Variants in TAF4B observed in about 807,000 individuals in gnomAD.
TAF4B encodes the protein TATA-box binding protein associated factor 4b, also known as transcription initiation factor TFIID subunit 4B.
A neutral mutation model predicts 86.4 loss-of-function variants in TAF4B; 38 were observed. The ratio of observed to expected loss-of-function variants is 0.44; its 90% confidence interval spans 0.34 to 0.58. The LOEUF is 0.58. TAF4B is among the 20% of genes least tolerant of loss of function. TAF4B has a pLI of 0.02. For synonymous variants in TAF4B, 388 were observed against 391.2 expected (o/e 0.99, Z 0.10); for missense variants, 988 against 1,027.6 (o/e 0.96, Z 0.53).
chr18:26,353,142 T>C (rs780292397), intron 13 of TAF4B, among the ~76,000 whole-genome samples: 1 of 152,126 alleles, frequency 6.6e-6, no homozygotes, highest in Non-Finnish European at 1.5e-5. Context: ...CAGGCTAATA[T>C]CTCTTATGAA....
chr18:26,226,999 C>T lies in TAF4B; in HGVS notation c.66C>T (p.Thr22=), dbSNP rs2055585764. 2.8e-6 allele frequency: 4 copies of T among 1,439,736 alleles called. No homozygotes were observed. The highest frequency in any genetic ancestry group is 3.6e-6 in the Non-Finnish European group (4 of 1,110,432). 89.2% of individuals were successfully genotyped at this position (1,439,736 alleles called of 1,614,324 possible). ...CGGCTGCTGTGAGCGCCTCGGGGAC[C>T]GTGACCATGGCCCCGGCCGGGGCGC... ...APPAAVSASG[T]VTMAPAGALP... The change falls in exon 1 of 15, where the codon ACC becomes ACT. Residue 22 remains threonine (T), a synonymous_variant. Transcript: ENST00000269142.
intron 14 of TAF4B, among the ~76,000 whole-genome samples, chr18:26,366,581 C>T (rs1308604880): frequency 6.6e-6 from 1 of 152,102 alleles, no homozygotes; most frequent in African/African-American, 2.4e-5. Context: ...GTATAGATAG[C>T]TTTTTATTTG....
At chr18:26,274,156 T>A (rs2056354484) in intron 3 of TAF4B, among the ~76,000 whole-genome samples, 1 of 152,208 alleles carries the variant, frequency 6.6e-6, no homozygotes, top group Non-Finnish European at 1.5e-5. Flanking sequence ...GATACCACGT[T>A]TTATAATATT....
At chr18:26,294,015 GAAATT>G (rs2056630696) in intron 9 of TAF4B, among the ~76,000 whole-genome samples, 1 of 152,228 alleles carries the variant, frequency 6.6e-6, no homozygotes, top group African/African-American at 2.4e-5. Flanking sequence ...TTTATTTTAT[GAAATT>G]AAATTTGTTG....
At chr18:26,270,018 C>T (rs2056292993) in intron 3 of TAF4B, among the ~76,000 whole-genome samples, 1 of 152,150 alleles carries the variant, frequency 6.6e-6, no homozygotes, top group African/African-American at 2.4e-5. Flanking sequence ...ATCAGTACTT[C>T]GAGTATATCA....
chr18:26,374,481 A>C (rs2057429305), intron 14 of TAF4B, among the ~76,000 whole-genome samples: 1 of 152,218 alleles, frequency 6.6e-6, no homozygotes, highest in Admixed American at 6.5e-5. Context: ...TTTGGTTTAC[A>C]CTTCAGTGAC....
intron 13 of TAF4B, among the ~76,000 whole-genome samples, chr18:26,349,469 C>A (rs2057227054): frequency 1.3e-5 from 2 of 150,748 alleles, no homozygotes. Context: ...AACAAACAAA[C>A]AAAACCACCT....
chr18:26,312,596 A>G (rs529496146), intron 9 of TAF4B, among the ~76,000 whole-genome samples: 1 of 152,148 alleles, frequency 6.6e-6, no homozygotes, highest in Admixed American at 6.5e-5. Context: ...GTGCTAATAC[A>G]ATGCTAGGTA....
chr18:26,324,148 A>G (rs1568153425), intron 11 of TAF4B, among the ~76,000 whole-genome samples: 2 of 152,162 alleles, frequency 1.3e-5, no homozygotes, highest in African/African-American at 2.4e-5. Context: ...CTTACTTTTA[A>G]TTTTGTGATG....
intron 13 of TAF4B, among the ~76,000 whole-genome samples, chr18:26,347,095 T>C (rs1394682878): frequency 6.7e-6 from 1 of 150,304 alleles, no homozygotes; most frequent in Non-Finnish European, 1.5e-5. Flanking sequence ...TAATGTTTTG[T>C]ATTTTCAGTA....
intron 13 of TAF4B, among the ~76,000 whole-genome samples, chr18:26,349,630 A>G (rs746205396): frequency 2.6e-5 from 4 of 152,262 alleles, no homozygotes; most frequent in Non-Finnish European, 5.9e-5. Context: ...CATACTAGCC[A>G]AAGCAATCAA....
intron 9 of TAF4B, among the ~76,000 whole-genome samples, chr18:26,295,676 A>G (rs936645652): frequency 2.0e-5 from 3 of 152,190 alleles, no homozygotes; most frequent in African/African-American, 4.8e-5. Context: ...AAGTTGTTGT[A>G]TGTTAAAACT....
rs79012410 is a variant in TAF4B at position 26,267,485 on chromosome 18, T to G, written c.490-31T>G. 1.7e-3 allele frequency: 2,445 copies of G among 1,448,014 alleles called. 36 individuals are homozygous for G. The African/African-American group carries it at 0.031, about 19-fold the overall frequency. 89.7% of individuals were successfully genotyped at this position (1,448,014 alleles called of 1,614,324 possible). A position where few individuals can be genotyped will look rare whatever the true frequency, so the allele number is the denominator to read the frequency against. On this transcript the variant is annotated intron_variant, in intron 2 of 14. Coordinates refer to ENST00000269142, the MANE Select transcript of TAF4B (RefSeq NM_005640.3). ...TCTTAAATTACTAACGCTAATGACT[T>G]TGTGTTATCTTGCTCCCCTCCACCG...
chr18:26,307,848 G>T (rs1275218286), intron 9 of TAF4B, among the ~76,000 whole-genome samples: 1 of 152,058 alleles, frequency 6.6e-6, no homozygotes, highest in Non-Finnish European at 1.5e-5. Flanking sequence ...GTATGCTCAC[G>T]CTTGTAATCC....
intron 9 of TAF4B, among the ~76,000 whole-genome samples, chr18:26,304,213 G>A (rs1240738564): frequency 1.2e-5 from 1 of 81,956 alleles, no homozygotes; most frequent in Non-Finnish European, 2.5e-5. Context: ...CATTGTTTTT[G>A]GGTGTTCATA....
At chr18:26,330,248 T>C (rs1457418113) in intron 12 of TAF4B, among the ~76,000 whole-genome samples, 2 of 152,224 alleles carry the variant, frequency 1.3e-5, no homozygotes, top group African/African-American at 4.8e-5. Flanking sequence ...TTCATATTAG[T>C]ATGGGCTAAT....
intron 5 of TAF4B, among the ~76,000 whole-genome samples, chr18:26,280,041 C>G (rs555317520): frequency 0.029 from 1,623 of 56,302 alleles, 11 homozygotes; most frequent in Non-Finnish European, 0.04. Context: ...GAGACTCTAT[C>G]TCAAAAAAAA....
At chr18:26,257,380 T>C (rs2056100012) in intron 1 of TAF4B, among the ~76,000 whole-genome samples, 1 of 152,220 alleles carries the variant, frequency 6.6e-6, no homozygotes. Flanking sequence ...TACAGCTTTC[T>C]TGTGGTTCTG....
At position 26,327,149 on chromosome 18, in the gene TAF4B, C is replaced by G. The variant is rs1012449409; in HGVS notation, c.2259+9C>G. On this transcript the variant is annotated intron_variant, in intron 12 of 14. Transcript: ENST00000269142. ...TACTTAAGGCAGCCAAGGTAAGGGC[C>G]AGTGTGATTTATGAGTGAATGTGGC... 3 of 1,608,880 alleles carry G rather than the reference C, an allele frequency of 1.9e-6. No homozygotes were observed. Among genetic ancestry groups the G allele is most frequent in the Non-Finnish European group, 2.5e-6 (3 of 1,179,178 alleles).
Sources: allele counts gnomAD v4.1 joint callset (sites outside exome capture counted in the v4.1 genomes callset), GRCh38; gene constraint gnomAD v4.1.1; transcripts MANE v1.5; gene names NCBI Gene and HGNC (gene_info 2026-07-23, HGNC 2026-07-21).